ZNF564: variants seen among roughly 807,000 people sequenced by gnomAD.
The protein encoded by ZNF564 is zinc finger protein 564.
ZNF564 carries 5 observed loss-of-function variants against 10.5 expected under a neutral mutation model. The ratio of observed to expected loss-of-function variants is 0.48; its 90% CI spans 0.25 to 1.00. ZNF564 has a LOEUF of 1.00. Ranked by LOEUF, ZNF564 falls within the 50% of genes least tolerant of loss-of-function variation. ZNF564 has a pLI of 0.16. For missense variants in ZNF564, 603 were observed against 669.7 expected, an observed-to-expected ratio of 0.90 and a Z score of 1.10; for synonymous variants, 242 against 218.1, an observed-to-expected ratio of 1.11 and a Z score of -0.97.
rs2021740173 is a variant in ZNF564, at chr19:12,528,691, T to C, written c.9A>G (p.Ser3=). 3.7e-6 allele frequency: 6 copies of C among 1,611,318 alleles called. No homozygotes were observed. Among genetic ancestry groups the C allele is most frequent in the South Asian group, 3.3e-5 (3 of 90,726 alleles). Residue 3 remains serine (S), a synonymous_variant, in exon 2 of 4, where the codon TCA becomes TCG. Transcript: ENST00000339282. Reference sequence around the variant, plus strand: ...TCACAGCCACATCCTCAGAGGCCACTGAGTCCTAAAACATCCCAAATATGC... The same window carrying C: ...TCACAGCCACATCCTCAGAGGCCACCGAGTCCTAAAACATCCCAAATATGC... MD[S]VASEDVAVNF... is the part of the protein sequence containing the mutation.
At chr19:12,551,245 A>C (rs1255248908) in intron 1 of ZNF564, 85 bp downstream of exon 1, 2 of 1,455,970 alleles carry the variant, frequency 1.4e-6, no homozygotes, top group Non-Finnish European at 1.9e-6. Flanking sequence ...CGCTGCAGGG[A>C]GGCCAGGGTG....
intron 1 of ZNF564, among the ~76,000 whole-genome samples, chr19:12,543,424 C>T (rs1488354033): frequency 6.6e-6 from 1 of 151,700 alleles, no homozygotes; most frequent in African/African-American, 2.4e-5. Flanking sequence ...TGCCTGTAAT[C>T]CCAGCACTTT....
At chr19:12,544,275 C>G (rs1298485473) in intron 1 of ZNF564, among the ~76,000 whole-genome samples, 1 of 150,250 alleles carries the variant, frequency 6.7e-6, no homozygotes, top group African/African-American at 2.5e-5. Context: ...TATGACAGAG[C>G]AGGTATGGTC....
At position 12,526,331 on chromosome 19, in the gene ZNF564, A is replaced by G; in HGVS notation, c.*115T>C. 1 of 1,118,516 alleles carries G rather than the reference A, an allele frequency of 8.9e-7. No homozygotes were observed. Among genetic ancestry groups the G allele is most frequent in the Non-Finnish European group, 1.3e-6 (1 of 791,408 alleles). 69.3% of individuals were successfully genotyped at this position (1,118,516 alleles called of 1,614,324 possible). A position where few individuals can be genotyped will look rare whatever the true frequency, so the allele number is the denominator to read the frequency against. ...GGCACAGGATAGAGATTCCTATTCC[A>G]AAAGTGAGAAACAGGAGAAAGGGGT... On this transcript the variant is annotated 3_prime_UTR_variant, in exon 4 of 4. Transcript: ENST00000339282.
At chr19:12,529,403 A>G (rs1049514594) in intron 1 of ZNF564, among the ~76,000 whole-genome samples, 1 of 151,936 alleles carries the variant, frequency 6.6e-6, no homozygotes, top group Non-Finnish European at 1.5e-5. Flanking sequence ...CAGGAGTTTG[A>G]GACCAGCCTG....
Position 12,528,652 on chromosome 19 carries a change from C to T in ZNF564, c.48G>A (p.Glu16=). 6.2e-7 allele frequency: 1 copy of T among 1,613,792 alleles called. No individual in the cohort carries two copies. The highest frequency in any genetic ancestry group is 8.5e-7 in the Non-Finnish European group (1 of 1,179,926). Residue 16 remains glutamate, a synonymous_variant, in exon 2 of 4, where the codon GAG becomes GAA. Transcript: ENST00000339282. ...GGGAAGGATCCAGCAAAGCCCACTCCTCAAGTGTGAAGTTCACAGCCACAT... is the reference window on the plus strand; with the variant it reads ...GGGAAGGATCCAGCAAAGCCCACTCTTCAAGTGTGAAGTTCACAGCCACAT... The part of the protein sequence containing the change: ...SEDVAVNFTL[E]EWALLDPSQK...
chr19:12,548,275 T>C, intron 1 of ZNF564: 3 of 718,466 alleles, frequency 4.2e-6, no homozygotes, highest in Non-Finnish European at 5.1e-6. Flanking sequence ...TGGAGTCCAG[T>C]GGCACGATCC....
At chr19:12,545,076 C>G (rs1318740707) in intron 1 of ZNF564, among the ~76,000 whole-genome samples, 1 of 151,832 alleles carries the variant, frequency 6.6e-6, no homozygotes, top group Non-Finnish European at 1.5e-5. Context: ...CTGGCCAACA[C>G]GGAGAAACCC....
intron 1 of ZNF564, among the ~76,000 whole-genome samples, chr19:12,544,651 A>T (rs1225073445): frequency 2.6e-5 from 4 of 152,170 alleles, no homozygotes; most frequent in Non-Finnish European, 4.4e-5. Flanking sequence ...GAGAGGCTGC[A>T]GGGACCACCT....
At chr19:12,531,546 G>A (rs1329840833) in intron 1 of ZNF564, among the ~76,000 whole-genome samples, 1 of 151,586 alleles carries the variant, frequency 6.6e-6, no homozygotes, top group African/African-American at 2.4e-5. Context: ...CAGCCTGGGT[G>A]GCAAGACTCT....
intron 1 of ZNF564, among the ~76,000 whole-genome samples, chr19:12,549,847 T>C (rs959464019): frequency 6.6e-6 from 1 of 152,148 alleles, no homozygotes; most frequent in African/African-American, 2.4e-5. Context: ...GTGGGTATCC[T>C]GGGTCAGGCC....
Position 12,526,486 on chromosome 19 carries a change from G to C in ZNF564, c.1622C>G (p.Ser541Ter). ...KPYVKNVGKL[S>*]FITQPSNTCE... is the part of the protein sequence containing the mutation. ...GGTATTCGAAGGTTGTGTGATAAAT[G>C]AAAGCTTTCCCACATTCTTTACGTA... The change falls in exon 4 of 4, where the codon TCA becomes TGA. Residue 541 changes from serine (S) to a stop codon, truncating the protein, a stop_gained. Transcript: ENST00000339282. LOFTEE classifies it low-confidence loss of function (END_TRUNC). 6.2e-7 allele frequency: 1 copy of C among 1,606,672 alleles called. No homozygotes were observed.
At chr19:12,528,532 C>A (rs759404079) in intron 2 of ZNF564, 38 bp downstream of exon 2, 1 of 1,607,708 alleles carries the variant, frequency 6.2e-7, no homozygotes, top group East Asian at 2.2e-5. Context: ...AATACTTCTT[C>A]TCTAACTGAC....
intron 1 of ZNF564, among the ~76,000 whole-genome samples, chr19:12,533,640 T>TC (rs990320075): frequency 7.2e-6 from 1 of 138,102 alleles, no homozygotes; most frequent in Non-Finnish European, 1.5e-5. Flanking sequence ...GATACAAGAA[T>TC]CACTTGAACC....
chr19:12,543,458 T>C (rs1031732646), intron 1 of ZNF564, among the ~76,000 whole-genome samples: 13 of 151,510 alleles, frequency 8.6e-5, no homozygotes, highest in African/African-American at 3.1e-4. Context: ...GGGTGGATCC[T>C]GAGGTCAGGA....
At chr19:12,542,578 G>A (rs909793163) in intron 1 of ZNF564, among the ~76,000 whole-genome samples, 18 of 151,240 alleles carry the variant, frequency 1.2e-4, no homozygotes, top group Admixed American at 9.9e-4. Flanking sequence ...CTATGATCAC[G>A]CCAGTGCAGA....
At position 12,527,233 on chromosome 19, in the gene ZNF564, G is replaced by A; in HGVS notation, c.875C>T (p.Ser292Phe). ...ECKQCGKAFI[S>F]FTNFQSHMIR... ...CATATGACTTTGAAAATTTGTGAAA[G>A]AAATGAAGGCCTTCCCACACTGTTT... Residue 292 changes from serine to phenylalanine, a missense_variant, in exon 4 of 4, where the codon TCT becomes TTT. Coordinates refer to ENST00000339282, the MANE Select transcript of ZNF564 (RefSeq NM_144976.4). The A allele has an allele frequency of 6.2e-7, 1 of 1,614,090 alleles. No homozygotes were observed. Among genetic ancestry groups the A allele is most frequent in the Non-Finnish European group, 8.5e-7 (1 of 1,180,014 alleles).
chr19:12,530,765 G>C (rs2021784257), intron 1 of ZNF564, among the ~76,000 whole-genome samples: 1 of 152,114 alleles, frequency 6.6e-6, no homozygotes, highest in Admixed American at 6.6e-5. Context: ...GGGGAAAGAT[G>C]GGTTCTTTTG....
chr19:12,544,382 G>A (rs1434843085), intron 1 of ZNF564, among the ~76,000 whole-genome samples: 1 of 150,170 alleles, frequency 6.7e-6, no homozygotes, highest in East Asian at 2.0e-4. Context: ...TCAGTGTAGA[G>A]CTGTCTATTG....
Sources: gnomAD v4.1 joint callset for allele counts (sites outside exome capture counted in the v4.1 genomes callset) on GRCh38, gnomAD v4.1.1 for gene constraint, MANE v1.5 for transcripts, NCBI Gene and HGNC (gene_info 2026-07-23, HGNC 2026-07-21) for gene names.